ESR2: variants seen among roughly 807,000 people sequenced by gnomAD.
ESR2 encodes estrogen receptor 2.
A neutral mutation model predicts 49.6 loss-of-function variants in ESR2; 36 were observed. The ratio of observed to expected loss-of-function variants is 0.73; its 90% CI spans 0.56 to 0.96. The LOEUF is 0.96. Ranked by LOEUF, ESR2 falls within the 40% of genes least tolerant of loss-of-function variation. The probability of loss-of-function intolerance (pLI) is 0.00; values close to 1 mark genes in which losing one functional copy is unlikely to be tolerated. For missense variants in ESR2, 714 were observed against 693.0 expected, an observed-to-expected ratio of 1.03 and a Z score of -0.34; for synonymous variants, 320 against 266.1, an observed-to-expected ratio of 1.20 and a Z score of -1.97.
At chr14:64,247,056 C>A (rs1283936789) in intron 7 of ESR2, among the ~76,000 whole-genome samples, 1 of 152,158 alleles carries the variant, frequency 6.6e-6, no homozygotes. Flanking sequence ...TAGATCCAAG[C>A]AACTCTTGGA....
intron 1 of ESR2, among the ~76,000 whole-genome samples, chr14:64,311,123 G>A (rs1054325721): frequency 2.0e-5 from 3 of 152,164 alleles, no homozygotes; most frequent in African/African-American, 7.2e-5. Context: ...TACAGTGAAA[G>A]AATATTAACT....
Position 64,229,318 on chromosome 14 carries a change from T to C in ESR2, c.*3819A>G, listed in dbSNP as rs1280034251. ...GAAGCAAGTCCTGGGGCAGGAGCAA[T>C]ACTGGCCCGCTAGGCAAGCAGAAGA... On this transcript the variant is annotated 3_prime_UTR_variant, in exon 9 of 9. Transcript: ENST00000341099. Among the ~76,000 whole-genome samples the C allele has an allele frequency of 2.0e-5, 3 of 152,042 alleles. No homozygotes were observed. The highest frequency in any genetic ancestry group is 7.2e-5 in the African/African-American group (3 of 41,422).
chr14:64,239,511 T>C (rs994166683), intron 7 of ESR2, among the ~76,000 whole-genome samples: 3 of 152,244 alleles, frequency 2.0e-5, no homozygotes, highest in African/African-American at 7.2e-5. Context: ...TTTAAAATAT[T>C]TTAAAGACTA....
intron 1 of ESR2, chr14:64,330,516 GAA>G (rs1333598652): frequency 6.6e-6 from 1 of 151,934 alleles, no homozygotes; most frequent in East Asian, 1.9e-4. Context: ...CCAATAGACT[GAA>G]GAGTCAATGT....
chr14:64,240,493 C>G (rs1337033301), intron 7 of ESR2, among the ~76,000 whole-genome samples: 1 of 152,220 alleles, frequency 6.6e-6, no homozygotes, highest in Non-Finnish European at 1.5e-5. Flanking sequence ...ACTTTGCTCT[C>G]TTAATCTTTT....
chr14:64,246,321 C>T (rs2075854265), intron 7 of ESR2, among the ~76,000 whole-genome samples: 1 of 152,092 alleles, frequency 6.6e-6, no homozygotes, highest in African/African-American at 2.4e-5. Flanking sequence ...AGTGAGTGAG[C>T]TCTCCCAAGA....
intron 2 of ESR2, among the ~76,000 whole-genome samples, chr14:64,281,069 G>C (rs1400053794): frequency 6.6e-6 from 1 of 152,102 alleles, no homozygotes; most frequent in Non-Finnish European, 1.5e-5. Flanking sequence ...GTTACCTTGA[G>C]ATGAATGTGA....
At chr14:64,276,465 A>G (rs371682057) in intron 3 of ESR2, among the ~76,000 whole-genome samples, 7 of 152,334 alleles carry the variant, frequency 4.6e-5, no homozygotes, top group Admixed American at 6.5e-5. Context: ...GATAAGAGTC[A>G]ATGCTACCAA....
chr14:64,299,867 T>A (rs974528028), intron 1 of ESR2, among the ~76,000 whole-genome samples: 2 of 152,212 alleles, frequency 1.3e-5, no homozygotes, highest in South Asian at 2.1e-4. Context: ...GGATCACCAA[T>A]GCTGTTCCAT....
downstream of ESR2, chr14:64,227,387 T>C: frequency 1.2e-6 from 1 of 801,372 alleles, no homozygotes; most frequent in East Asian, 2.6e-5. Context: ...GAAAGGAAGG[T>C]GGTTTTTAAC....
intron 1 of ESR2, among the ~76,000 whole-genome samples, chr14:64,321,711 T>G (rs1018191440): frequency 1.3e-5 from 2 of 152,176 alleles, no homozygotes; most frequent in Admixed American, 6.6e-5. Flanking sequence ...CAGGCATATA[T>G]GAAGATGCTT....
At position 64,292,500 on chromosome 14, in the gene ESR2, T is replaced by C. The variant is rs540318852; in HGVS notation, c.-91+1533A>G. ...GTAGCCTAATTTTTTTAAAGTGCTA[T>C]TGCATATAAAACAATGTGCTAGACA... On this transcript the variant is annotated intron_variant, in intron 1 of 8. Transcript: ENST00000341099. Among the ~76,000 whole-genome samples, 324 of 152,328 alleles carry C rather than the reference T, an allele frequency of 2.1e-3. 1 individual carries two copies. The highest frequency in any genetic ancestry group is 7.4e-3 in the African/African-American group (309 of 41,562).
intron 1 of ESR2, among the ~76,000 whole-genome samples, chr14:64,303,915 G>A (rs937165459): frequency 2.6e-5 from 4 of 152,170 alleles, no homozygotes; most frequent in African/African-American, 9.7e-5. Context: ...AGTGCAGAAC[G>A]TTATGAAAAA....
chr14:64,314,810 G>A (rs368117244), intron 1 of ESR2, among the ~76,000 whole-genome samples: 27 of 141,958 alleles, frequency 1.9e-4, no homozygotes, highest in African/African-American at 4.2e-4. Flanking sequence ...CCTGGGAGGC[G>A]GAGGTTGCAG....
intron 1 of ESR2, among the ~76,000 whole-genome samples, chr14:64,300,880 A>T (rs1015013508): frequency 1.3e-5 from 2 of 152,124 alleles, no homozygotes; most frequent in African/African-American, 4.8e-5. Flanking sequence ...TGCTTGCAAT[A>T]CCTTAAGTGT....
chr14:64,244,367 TC>T (rs1418504098), intron 7 of ESR2, among the ~76,000 whole-genome samples: 1 of 148,612 alleles, frequency 6.7e-6, no homozygotes, highest in Non-Finnish European at 1.5e-5. Flanking sequence ...ACCACTGCAC[TC>T]CAGCCTGAGT....
chr14:64,262,169 T>A (rs1241507894), intron 4 of ESR2, among the ~76,000 whole-genome samples: 3 of 150,714 alleles, frequency 2.0e-5, no homozygotes, highest in Non-Finnish European at 3.0e-5. Context: ...AGTATGGTGG[T>A]ACAGTCATGA....
chr14:64,269,982 G>A (rs1308893370), intron 3 of ESR2, among the ~76,000 whole-genome samples: 1 of 152,152 alleles, frequency 6.6e-6, no homozygotes, highest in Non-Finnish European at 1.5e-5. Flanking sequence ...TGGTAGGGAG[G>A]ATGAGGACAG....
intron 6 of ESR2, among the ~76,000 whole-genome samples, chr14:64,253,401 G>T (rs2140693454): frequency 6.6e-6 from 1 of 151,984 alleles, no homozygotes; most frequent in East Asian, 1.9e-4. Context: ...ATGTTGCTCA[G>T]GCTTGTCTCG....
Sources: gnomAD v4.1 joint callset for allele counts (sites outside exome capture counted in the v4.1 genomes callset) on GRCh38, gnomAD v4.1.1 for gene constraint, MANE v1.5 for transcripts, NCBI Gene and HGNC (gene_info 2026-07-23, HGNC 2026-07-21) for gene names.